Variants in ROBO3 observed in about 807,000 individuals in gnomAD.
The protein encoded by ROBO3 is roundabout homolog 3.
In ROBO3, 97 loss-of-function variants were observed where a neutral mutation model predicts 160.5. The ratio of observed to expected loss-of-function variants is 0.60; its 90% CI spans 0.51 to 0.72. ROBO3 has a LOEUF of 0.72. ROBO3 is among the 30% of genes least tolerant of loss of function. The pLI is 0.00. For synonymous variants in ROBO3, 780 were observed against 746.2 expected (o/e 1.05, Z -0.74); for missense variants, 1,858 against 1,846.5 (o/e 1.01, Z -0.11).
chr11:124,872,188 A>C lies in ROBO3; in HGVS notation c.1159-193A>C, dbSNP rs979045582. ...ACGGAGCTGGGAAGTAGACTCTGAA[A>C]TTGTCTAATAAAATTCCCTGATGTT... On this transcript the variant is annotated intron_variant, in intron 7 of 27. Transcript: ENST00000397801. This position sits in a 1 kb window ranked among gnomAD's most constrained non-coding sequence, Gnocchi z 4.3. Among the ~76,000 whole-genome samples, 1 of 152,226 alleles carries C rather than the reference A, an allele frequency of 6.6e-6. No individual in the cohort carries two copies. The highest frequency in any genetic ancestry group is 2.4e-5 in the African/African-American group (1 of 41,454).
In ROBO3 at chr11:124,876,766, A is replaced by T; in HGVS notation, c.2779+306A>T. 3.5e-6 allele frequency: 1 copy of T among 282,696 alleles called. No individual in the cohort carries two copies. Among genetic ancestry groups the T allele is most frequent in the East Asian group, 9.9e-5 (1 of 10,078 alleles). The allele number at this position is 282,696 out of a possible 1,614,324, so 17.5% of individuals were successfully genotyped here. On this transcript the variant is annotated intron_variant, in intron 17 of 27. Transcript: ENST00000397801. The surrounding 1 kb of genome is among the most constrained non-coding windows in gnomAD (Gnocchi z 5.3). The stretch of plus-strand genomic sequence containing the variant: ...AAGTTCGAGGACGGAAAGCCCACTC[A>T]AAGGGCGGGGGGCGGGGCCTGGCAA...
In ROBO3 at chr11:124,880,461, G is replaced by C. The variant is rs778201323; in HGVS notation, c.4002G>C (p.Arg1334=). The C allele has an allele frequency of 6.2e-7, 1 of 1,611,610 alleles. No homozygotes were observed. The highest frequency in any genetic ancestry group is 8.5e-7 in the Non-Finnish European group (1 of 1,178,994). ...ACAGCAGACCAAGCTTCCTGTCCCG[G>C]GGCCAGGGCACCAGCACATGTTCCA... ...LPYSRPSFLS[R]GQGTSTCSTA... The change falls in exon 27 of 28, where the codon CGG becomes CGC. Residue 1334 remains arginine (R), a synonymous_variant. Coordinates refer to ENST00000397801, the MANE Select transcript of ROBO3 (RefSeq NM_022370.4).
Position 124,870,709 on chromosome 11 carries a change from T to C in ROBO3, c.1014T>C (p.Ser338=), listed in dbSNP as rs771790988. The C allele has an allele frequency of 1.1e-5, 17 of 1,612,030 alleles. No homozygotes were observed. Among genetic ancestry groups the C allele is most frequent in the Non-Finnish European group, 1.4e-5 (17 of 1,179,182 alleles). ...ACAGTGTGGGCCGCGCTGAAGCATC[T>C]GGCTCCCTCAGTGTTCACGGTGAGG... ...AENSVGRAEA[S]GSLSVHVPPQ... is the part of the protein sequence containing the mutation. Residue 338 remains serine (S), a synonymous_variant, in exon 6 of 28, where the codon TCT becomes TCC. Transcript: ENST00000397801.
chr11:124,870,954 G>T, intron 6 of ROBO3, 60 bp from the exon 7 acceptor site: 1 of 1,581,034 alleles, frequency 6.3e-7, no homozygotes. Flanking sequence ...TCCTGTTCCT[G>T]CAGTCTCCTT....
At position 124,879,075 on chromosome 11, in the gene ROBO3, G is replaced by A. The variant is rs181997342; in HGVS notation, c.3534-115G>A. The A allele has an allele frequency of 3.6e-5, 45 of 1,250,382 alleles. No homozygotes were observed. The East Asian group carries it at 7.9e-4, about 22-fold the overall frequency. 77.5% of individuals were successfully genotyped at this position (1,250,382 alleles called of 1,614,324 possible). ...CTCTAGCTTGGGAGGACTTACGGGC[G>A]GACGGGTTGTGTCTCGTTTATCTGT... On this transcript the variant is annotated intron_variant, in intron 23 of 27. Coordinates refer to ENST00000397801, the MANE Select transcript of ROBO3 (RefSeq NM_022370.4).
Position 124,879,455 on chromosome 11 carries a change from A to G in ROBO3, c.3686-10A>G, listed in dbSNP as rs752180252. On this transcript the variant is annotated splice_polypyrimidine_tract_variant and intron_variant, in intron 24 of 27. Transcript: ENST00000397801. ...TTACCCATTCCTCTTCCCGTCTCCT[A>G]ACACTGCAGGCAGAACCTGGCAGGG... The G allele has an allele frequency of 6.2e-7, 1 of 1,613,098 alleles. No individual in the cohort carries two copies. The highest frequency in any genetic ancestry group is 8.5e-7 in the Non-Finnish European group (1 of 1,179,242).
At chr11:124,874,671 C>T in intron 12 of ROBO3, 117 bp from the exon 13 acceptor site, 1 of 1,265,818 alleles carries the variant, frequency 7.9e-7, no homozygotes, top group Non-Finnish European at 1.1e-6. Context: ...CCCTCCTGAC[C>T]ATGGGGTGTG....
Position 124,876,939 on chromosome 11 carries a change from G to A in ROBO3, c.2780-222G>A, listed in dbSNP as rs1946393042. 1.6e-6 allele frequency: 1 copy of A among 635,534 alleles called. No homozygotes were observed. Among genetic ancestry groups the A allele is most frequent in the Non-Finnish European group, 2.8e-6 (1 of 354,070 alleles). The allele number at this position is 635,534 out of a possible 1,614,324, so 39.4% of individuals were successfully genotyped here. A position where few individuals can be genotyped will look rare whatever the true frequency, so the allele number is the denominator to read the frequency against. On this transcript the variant is annotated intron_variant, in intron 17 of 27. Transcript: ENST00000397801. The surrounding 1 kb of genome is among the most constrained non-coding windows in gnomAD (Gnocchi z 5.3). ...AGATTCTGAGGTGTTTGAGGTCAGT[G>A]GTTTTCAATCTTGGTTGGCTACACA...
chr11:124,867,745 C>T (rs1482748518), intron 1 of ROBO3, among the ~76,000 whole-genome samples: 1 of 104,894 alleles, frequency 9.5e-6, no homozygotes, highest in Non-Finnish European at 1.8e-5. Context: ...GGGCTGGAAG[C>T]GGGAGGTTCC....
intron 12 of ROBO3, 115 bp from the exon 13 acceptor site, chr11:124,874,673 T>G: frequency 1.6e-6 from 2 of 1,246,852 alleles, no homozygotes; most frequent in Non-Finnish European, 2.2e-6. Flanking sequence ...CTCCTGACCA[T>G]GGGGTGTGCT....
At position 124,870,022 on chromosome 11, in the gene ROBO3, C is replaced by G; in HGVS notation, c.720C>G (p.Asn240Lys). 1 of 1,614,048 alleles carries G rather than the reference C, an allele frequency of 6.2e-7. No individual in the cohort carries two copies. The highest frequency in any genetic ancestry group is 1.1e-5 in the South Asian group (1 of 91,084). ...DAGMYVCVAS[N>K]MAGERESAAA... ...GCATGTATGTGTGCGTAGCCTCCAA[C>G]ATGGCGGGAGAACGGGAGAGTGCGG... Residue 240 changes from asparagine (N) to lysine (K), a missense_variant, in exon 4 of 28, where the codon AAC becomes AAG. Asn to Lys is a moderately conservative substitution (Grantham distance 94). Transcript: ENST00000397801.
chr11:124,874,397 C>T (rs1946321907), intron 12 of ROBO3, among the ~76,000 whole-genome samples, 161 bp downstream of exon 12: 2 of 152,124 alleles, frequency 1.3e-5, no homozygotes. Flanking sequence ...GTTTGCCTCT[C>T]ACAGAAGAGA....
Position 124,872,635 on chromosome 11 carries a change from T to C in ROBO3, c.1330+83T>C. ...AGTGATGTGTTTCTCTTGGAGTCTA[T>C]ATACTATGTCTGCAAGAGGAGAGAT... On this transcript the variant is annotated intron_variant, in intron 8 of 27. Coordinates refer to ENST00000397801, the MANE Select transcript of ROBO3 (RefSeq NM_022370.4). The surrounding 1 kb of genome is among the most constrained non-coding windows in gnomAD (Gnocchi z 4.3). 2.2e-6 allele frequency: 3 copies of C among 1,370,324 alleles called. No individual in the cohort carries two copies. The highest frequency in any genetic ancestry group is 1.0e-6 in the Non-Finnish European group (1 of 999,624). 84.9% of individuals were successfully genotyped at this position (1,370,324 alleles called of 1,614,324 possible).
rs1198291290 is a variant in ROBO3 at position 124,878,243 on chromosome 11, C to G, written c.3182-55C>G. ...CCCGGCACTTCCTTCTGACCTGTCT[C>G]ATCTCTGGCTCTTTCCTGCCTGTTC... On this transcript the variant is annotated intron_variant, in intron 21 of 27. Coordinates refer to ENST00000397801, the MANE Select transcript of ROBO3 (RefSeq NM_022370.4). This position sits in a 1 kb window ranked among gnomAD's most constrained non-coding sequence, Gnocchi z 4.3. 1 of 1,599,092 alleles carries G rather than the reference C, an allele frequency of 6.3e-7. No individual in the cohort carries two copies. The highest frequency in any genetic ancestry group is 8.5e-7 in the Non-Finnish European group (1 of 1,171,702).
At position 124,875,602 on chromosome 11, in the gene ROBO3, G is replaced by T. The variant is rs774837591; in HGVS notation, c.2338G>T (p.Gly780Trp). The T allele has an allele frequency of 1.4e-4, 230 of 1,611,552 alleles. No homozygotes were observed. Among genetic ancestry groups the T allele is most frequent in the Non-Finnish European group, 1.8e-4 (213 of 1,179,050 alleles). ...CCCACAGGGAGTGGCGGTGGCCTTGGGGGGTGATGGCAACAGCAGTATCAC... is the reference window on the plus strand; with the variant it reads ...CCCACAGGGAGTGGCGGTGGCCTTGTGGGGTGATGGCAACAGCAGTATCAC... ...GPPQGVAVAL[G>W]GDGNSSITVS... The change falls in exon 15 of 28, where the codon GGG becomes TGG. Residue 780 changes from glycine to tryptophan, a missense_variant. Coordinates refer to ENST00000397801, the MANE Select transcript of ROBO3 (RefSeq NM_022370.4).
chr11:124,877,183 A>G lies in ROBO3; in HGVS notation c.2802A>G (p.Ala934=). 1 of 1,613,922 alleles carries G rather than the reference A, an allele frequency of 6.2e-7. No homozygotes were observed. The highest frequency in any genetic ancestry group is 8.5e-7 in the Non-Finnish European group (1 of 1,179,876). ...AAGCCTCTTTTGCCTACACACCGGC[A>G]GGTAAGCCATCTCTGCCCCAGTGGG... The part of the protein sequence containing the change: ...HYTASFAYTP[A]VSFPHSEGLS... The change falls in exon 18 of 28, where the codon GCA becomes GCG. Residue 934 remains alanine (A), a splice_region_variant and synonymous_variant. Transcript: ENST00000397801.
chr11:124,875,754 G>C, intron 15 of ROBO3, 69 bp downstream of exon 15: 2 of 1,537,964 alleles, frequency 1.3e-6, no homozygotes, highest in Non-Finnish European at 1.8e-6. Context: ...CTAGTGGCTA[G>C]AATTAGGGTG....
rs368832624 is a variant in ROBO3, at chr11:124,870,178, C to T, written c.780C>T (p.Phe260=). 2.0e-5 allele frequency: 33 copies of T among 1,614,066 alleles called. No individual in the cohort carries two copies. Among genetic ancestry groups the T allele is most frequent in the Non-Finnish European group, 2.5e-5 (30 of 1,179,898 alleles). ...AEVMVLERPS[F]LRRPVNQVVL... is the part of the protein sequence containing the mutation. Reference sequence around the variant, plus strand: ...ACCACTCCATAGAGCGTCCCTCATTCCTGCGCAGACCAGTGAATCAGGTGG... The same window carrying T: ...ACCACTCCATAGAGCGTCCCTCATTTCTGCGCAGACCAGTGAATCAGGTGG... The change falls in exon 5 of 28, where the codon TTC becomes TTT. Residue 260 remains phenylalanine (F), a synonymous_variant. Transcript: ENST00000397801.
At position 124,875,282 on chromosome 11, in the gene ROBO3, C is replaced by T. The variant is rs1349564886; in HGVS notation, c.2245C>T (p.Gln749Ter). Residue 749 changes from glutamine (Q) to a stop codon, truncating the protein, a stop_gained, in exon 14 of 28, where the codon CAG becomes TAG. Transcript: ENST00000397801. LOFTEE classifies it high-confidence loss of function. ...QIQIKVQAQG[Q>*]EGLGAESLSV... ...CCAGATCAAGGTGCAAGCCCAAGGC[C>T]AGGAGGGGCTGGGGGCTGAAAGCCT... The T allele has an allele frequency of 6.2e-7, 1 of 1,612,106 alleles. No individual in the cohort carries two copies. Among genetic ancestry groups the T allele is most frequent in the South Asian group, 1.1e-5 (1 of 90,996 alleles).
Sources: allele counts gnomAD v4.1 joint callset (sites outside exome capture counted in the v4.1 genomes callset), GRCh38; gene constraint gnomAD v4.1.1; non-coding constraint Gnocchi (gnomAD v3.1); transcripts MANE v1.5; gene names NCBI Gene and HGNC (gene_info 2026-07-23, HGNC 2026-07-21).